The following MYMK variants were observed in gnomAD, a reference collection of about 807,000 sequenced individuals.
The protein encoded by MYMK is protein myomaker.
A neutral mutation model predicts 22.4 loss-of-function variants in MYMK; 16 were observed. That is an observed-to-expected ratio of 0.72 (90% confidence interval 0.48 to 1.09). The LOEUF is 1.09. MYMK is among the 50% of genes least tolerant of loss of function. MYMK has a pLI of 0.00. For missense variants in MYMK, 250 were observed against 295.6 expected (o/e 0.85, Z 1.13); for synonymous variants, 125 against 127.0 (o/e 0.98, Z 0.11).
At chr9:133,517,200 AC>A (rs1005364842) in intron 3 of MYMK, among the ~76,000 whole-genome samples, 2 of 152,122 alleles carry the variant, frequency 1.3e-5, no homozygotes, top group Admixed American at 6.5e-5. Flanking sequence ...GGTGGCCAGG[AC>A]CCAGGGCCCC....
chr9:133,517,195 C>G (rs112554953), intron 3 of MYMK, among the ~76,000 whole-genome samples: 2 of 152,262 alleles, frequency 1.3e-5, no homozygotes, highest in Non-Finnish European at 2.9e-5. Context: ...AGGCGGGTGG[C>G]CAGGACCCAG....
chr9:133,523,669 T>TGG (rs1472501583), intron 1 of MYMK, among the ~76,000 whole-genome samples: 6 of 112,890 alleles, frequency 5.3e-5, no homozygotes, highest in African/African-American at 2.2e-4. Flanking sequence ...GATGCGTAGA[T>TGG]AGAGAGATAG....
At chr9:133,519,557 G>T (rs1484624840) in intron 2 of MYMK, among the ~76,000 whole-genome samples, 1 of 152,070 alleles carries the variant, frequency 6.6e-6, no homozygotes, top group East Asian at 1.9e-4. Flanking sequence ...GAGACCCTGT[G>T]GCTAAAAATC....
chr9:133,516,221 G>GGA (rs1844629153), intron 3 of MYMK, among the ~76,000 whole-genome samples: 1 of 152,272 alleles, frequency 6.6e-6, no homozygotes, highest in South Asian at 2.1e-4. Flanking sequence ...CCACATCCCT[G>GGA]GAGCCGGCCT....
chr9:133,521,723 C>T (rs779252129), intron 1 of MYMK, among the ~76,000 whole-genome samples: 4 of 152,134 alleles, frequency 2.6e-5, no homozygotes, highest in Non-Finnish European at 5.9e-5. Flanking sequence ...GGGGCCTGAT[C>T]AAGGTGCTTA....
rs548913997 is a variant in MYMK at position 133,524,924 on chromosome 9, G to A, written c.-80C>T. On this transcript the variant is annotated 5_prime_UTR_variant, in exon 1 of 5. Transcript: ENST00000339996. ...CCAGCACAGGAGCACGAAGTGGGAA[G>A]GCCAGCTCCCTTTGGGCAGGGCTCT... 1.6e-4 allele frequency: 243 copies of A among 1,499,916 alleles called. 1 individual carries two copies. In the African/African-American group the frequency reaches 3.0e-3, roughly 19 times the overall value. The allele number at this position is 1,499,916 out of a possible 1,614,324, so 92.9% of individuals were successfully genotyped here.
chr9:133,520,318 A>T, intron 1 of MYMK, 30 bp from the exon 2 acceptor site: 1 of 1,590,776 alleles, frequency 6.3e-7, no homozygotes, highest in Non-Finnish European at 8.6e-7. Context: ...TGGTCACAGC[A>T]CAAAGAGGCC....
At position 133,514,723 on chromosome 9, in the gene MYMK, C is replaced by T; in HGVS notation, c.579G>A (p.Leu193=). 6.2e-7 allele frequency: 1 copy of T among 1,614,100 alleles called. No individual in the cohort carries two copies. The highest frequency in any genetic ancestry group is 1.3e-5 in the African/African-American group (1 of 75,066). The stretch of plus-strand genomic sequence containing the variant: ...CCTTCTTGTTGACCTTGGGCAGCAG[C>T]AGAACAAAGGACATAGCCAGGGCAC... The part of the protein sequence containing the change: ...YHCALAMSFV[L]LLPKVNKKAG... The change falls in exon 5 of 5, where the codon CTG becomes CTA. Residue 193 remains leucine (L), a synonymous_variant. Coordinates refer to ENST00000339996, the MANE Select transcript of MYMK (RefSeq NM_001080483.3).
intron 3 of MYMK, among the ~76,000 whole-genome samples, chr9:133,517,282 G>A (rs1258573670): frequency 2.0e-5 from 3 of 152,160 alleles, no homozygotes; most frequent in African/African-American, 4.8e-5. Flanking sequence ...TCCCCACCAG[G>A]TGACTCCCAG....
At chr9:133,522,388 C>T (rs530927527) in intron 1 of MYMK, among the ~76,000 whole-genome samples, 152 of 152,126 alleles carry the variant, frequency 1.0e-3, no homozygotes, top group African/African-American at 3.1e-3. Context: ...ACACTGTCTC[C>T]GTGGGGTTTG....
At position 133,515,144 on chromosome 9, in the gene MYMK, T is replaced by G; in HGVS notation, c.516+347A>C. Among the ~76,000 whole-genome samples the G allele has an allele frequency of 7.0e-6, 1 of 143,510 alleles. No homozygotes were observed. The highest frequency in any genetic ancestry group is 1.5e-5 in the Non-Finnish European group (1 of 65,456). The allele number at this position is 143,510 out of a possible 152,430, so 94.1% of individuals were successfully genotyped here. The stretch of plus-strand genomic sequence containing the variant: ...CCTCCCTCCTCCACTTTCTCCCTCC[T>G]TCCTTCCCTGTCTCCTCCCCTCCCT... On this transcript the variant is annotated intron_variant, in intron 4 of 4. Transcript: ENST00000339996. The surrounding 1 kb of genome is among the most constrained non-coding windows in gnomAD (Gnocchi z 5.8).
chr9:133,515,354 A>G lies in MYMK; in HGVS notation c.516+137T>C. 1 of 672,284 alleles carries G rather than the reference A, an allele frequency of 1.5e-6. No individual in the cohort carries two copies. Among genetic ancestry groups the G allele is most frequent in the Non-Finnish European group, 2.7e-6 (1 of 372,030 alleles). 41.6% of individuals were successfully genotyped at this position (672,284 alleles called of 1,614,324 possible). A position where few individuals can be genotyped will look rare whatever the true frequency, so the allele number is the denominator to read the frequency against. On this transcript the variant is annotated intron_variant, in intron 4 of 4. Transcript: ENST00000339996. This position sits in a 1 kb window ranked among gnomAD's most constrained non-coding sequence, Gnocchi z 5.8. ...GACATAGCCCTGGGAGGGGCTAGTG[A>G]GCAGGGACTAATACCAGACTTTGGC...
In MYMK at chr9:133,515,493, C is replaced by T. The variant is rs1208684373; in HGVS notation, c.514G>A (p.Glu172Lys). The T allele has an allele frequency of 6.2e-7, 1 of 1,608,440 alleles. No homozygotes were observed. Among genetic ancestry groups the T allele is most frequent in the African/African-American group, 1.3e-5 (1 of 74,814 alleles). The change falls in exon 4 of 5, where the codon GAG (glutamate) becomes AAG (lysine). Residue 172 changes from glutamate to lysine, a missense_variant and splice_region_variant. By Grantham distance (56) the Glu-to-Lys change is moderately conservative. Transcript: ENST00000339996. This position sits in a 1 kb window ranked among gnomAD's most constrained non-coding sequence, Gnocchi z 5.8. ...CACCTCCCCGCTGGGCTTGGTACCT[C>T]AAAGAAGAAGCGTAGCATCAGGGCC... ...ALALMLRFFF[E>K]DWDYTYVHSF...
intron 4 of MYMK, 131 bp from the exon 5 acceptor site, chr9:133,514,916 C>T (rs1049332642): frequency 9.7e-5 from 98 of 1,010,608 alleles, no homozygotes; most frequent in Non-Finnish European, 1.2e-4. Flanking sequence ...GAAGCCTCCC[C>T]CACGGTCGCG....
Position 133,515,719 on chromosome 9 carries a change from G to A in MYMK, c.400-112C>T, listed in dbSNP as rs1355383043. The stretch of plus-strand genomic sequence containing the variant: ...CACAGGCTCACCCCAGCCCTCTCCC[G>A]GCAGGAGAGGAGGCTCAGGAGCCTC... On this transcript the variant is annotated intron_variant, in intron 3 of 4. Transcript: ENST00000339996. This position sits in a 1 kb window ranked among gnomAD's most constrained non-coding sequence, Gnocchi z 5.8. 4 of 690,662 alleles carry A rather than the reference G, an allele frequency of 5.8e-6. No individual in the cohort carries two copies. The highest frequency in any genetic ancestry group is 2.4e-5 in the Admixed American group (1 of 41,778). 42.8% of individuals were successfully genotyped at this position (690,662 alleles called of 1,614,324 possible).
chr9:133,514,729 A>G lies in MYMK; in HGVS notation c.573T>C (p.Phe191=), dbSNP rs1402892312. ...SFYHCALAMS[F]VLLLPKVNKK... is the part of the protein sequence containing the mutation. ...TGTTGACCTTGGGCAGCAGCAGAAC[A>G]AAGGACATAGCCAGGGCACAGTGGT... Residue 191 remains phenylalanine, a synonymous_variant, in exon 5 of 5, where the codon TTT becomes TTC. Coordinates refer to ENST00000339996, the MANE Select transcript of MYMK (RefSeq NM_001080483.3). 3 of 1,613,978 alleles carry G rather than the reference A, an allele frequency of 1.9e-6. No individual in the cohort carries two copies. Among genetic ancestry groups the G allele is most frequent in the Non-Finnish European group, 2.5e-6 (3 of 1,179,966 alleles).
chr9:133,521,178 C>T (rs1564485209), intron 1 of MYMK, among the ~76,000 whole-genome samples: 1 of 152,230 alleles, frequency 6.6e-6, no homozygotes, highest in Non-Finnish European at 1.5e-5. Context: ...GGAGTGTTTT[C>T]AAAGCAGTCA....
At chr9:133,520,430 C>T (rs565214733) in intron 1 of MYMK, 142 bp from the exon 2 acceptor site, 2 of 671,042 alleles carry the variant, frequency 3.0e-6, no homozygotes, top group East Asian at 2.7e-5. Flanking sequence ...CTCAGTCTCC[C>T]CGTCTGAAAA....
intron 1 of MYMK, among the ~76,000 whole-genome samples, chr9:133,520,588 G>A (rs867438949): frequency 1.8e-4 from 28 of 152,222 alleles, no homozygotes; most frequent in African/African-American, 3.9e-4. Flanking sequence ...AGGACTGGGC[G>A]GAGACTGAGT....
Sources: gnomAD v4.1 joint callset for allele counts (sites outside exome capture counted in the v4.1 genomes callset) on GRCh38, gnomAD v4.1.1 for gene constraint, Gnocchi (gnomAD v3.1) non-coding constraint, MANE v1.5 for transcripts, NCBI Gene and HGNC (gene_info 2026-07-23, HGNC 2026-07-21) for gene names.